Variants in CAMKMT observed in about 807,000 individuals in gnomAD.
The protein encoded by CAMKMT is CaM KMT.
Under a neutral mutation model 48.0 loss-of-function variants are expected in CAMKMT, and 53 were observed. The ratio of observed to expected loss-of-function variants is 1.10; its 90% CI spans 0.89 to 1.39. The LOEUF (loss-of-function observed/expected upper bound fraction) is 1.39, where lower values mean the gene tolerates loss of function less well. Ranked by LOEUF, CAMKMT falls within the 40% of genes most tolerant of loss-of-function variation. The pLI is 0.00. For missense variants in CAMKMT, 428 were observed against 402.7 expected (o/e 1.06, Z -0.54); for synonymous variants, 165 against 152.3 (o/e 1.08, Z -0.61).
At chr2:44,372,992 C>T in intron 2 of CAMKMT, 104 bp downstream of exon 2, 1 of 1,061,314 alleles carries the variant, frequency 9.4e-7, no homozygotes, top group Non-Finnish European at 1.4e-6. Context: ...AGTTTACGGG[C>T]AATCTTTTTC....
intron 1 of CAMKMT, among the ~76,000 whole-genome samples, chr2:44,367,932 A>G (rs1678778827): frequency 6.6e-6 from 1 of 152,226 alleles, no homozygotes; most frequent in African/African-American, 2.4e-5. Context: ...TCTGGTCTTC[A>G]TAAGTGTTTC....
At chr2:44,705,939 C>CT (rs1677530231) in intron 4 of CAMKMT, among the ~76,000 whole-genome samples, 5 of 152,070 alleles carry the variant, frequency 3.3e-5, no homozygotes, top group African/African-American at 1.2e-4. Flanking sequence ...ACAGTGTTAT[C>CT]CTTTCCTAAC....
chr2:44,740,124 ATT>A (rs753300790), intron 7 of CAMKMT, among the ~76,000 whole-genome samples: 3,244 of 120,128 alleles, frequency 0.027, 63 homozygotes, highest in African/African-American at 0.072. Flanking sequence ...TGATTGCTGC[ATT>A]TTTTTTTTTT....
At chr2:44,661,235 G>A (rs1674662756) in intron 3 of CAMKMT, among the ~76,000 whole-genome samples, 2 of 151,098 alleles carry the variant, frequency 1.3e-5, no homozygotes, top group African/African-American at 4.9e-5. Context: ...AGTTAGTACA[G>A]AAGAATAACA....
At chr2:44,671,412 A>G (rs1360686846) in intron 3 of CAMKMT, among the ~76,000 whole-genome samples, 1 of 152,218 alleles carries the variant, frequency 6.6e-6, no homozygotes, top group African/African-American at 2.4e-5. Flanking sequence ...TTAAATTACA[A>G]TATTTAAGCC....
intron 3 of CAMKMT, among the ~76,000 whole-genome samples, chr2:44,611,964 A>G (rs995353291): frequency 1.3e-5 from 2 of 152,118 alleles, no homozygotes; most frequent in African/African-American, 4.8e-5. Context: ...TGCCCCCATG[A>G]TTCAAACACC....
At chr2:44,463,713 G>A (rs993845294) in intron 3 of CAMKMT, among the ~76,000 whole-genome samples, 2 of 151,974 alleles carry the variant, frequency 1.3e-5, no homozygotes, top group Non-Finnish European at 2.9e-5. Context: ...GAGGGAGGAA[G>A]AAACTATAAA....
In CAMKMT at chr2:44,372,811, A is replaced by G; in HGVS notation, c.234A>G (p.Glu78=). The G allele has an allele frequency of 6.2e-7, 1 of 1,614,024 alleles. No homozygotes were observed. The change falls in exon 2 of 11, where the codon GAA becomes GAG. Residue 78 remains glutamate, a synonymous_variant. Coordinates refer to ENST00000378494, the MANE Select transcript of CAMKMT (RefSeq NM_024766.5). The stretch of plus-strand genomic sequence containing the variant: ...TGTTTTCAGTAACAGAAGGCAAAGA[A>G]AGGGAAACTGAAGAGGAGGTTGGTG... ...FNLFSVTEGK[E]RETEEEVGAW...
chr2:44,410,277 G>A (rs1384962488), intron 3 of CAMKMT, among the ~76,000 whole-genome samples: 1 of 9,054 alleles, frequency 1.1e-4, no homozygotes, highest in African/African-American at 7.8e-4. Flanking sequence ...TTTTTTTTGA[G>A]ACGGAGTCTT....
At chr2:44,400,783 C>T (rs1682295051) in intron 3 of CAMKMT, 2 of 151,116 alleles carry the variant, frequency 1.3e-5, no homozygotes, top group Admixed American at 1.3e-4. Flanking sequence ...CCAGTATCTT[C>T]GAGAAAGCGT....
At chr2:44,647,523 A>C (rs934496160) in intron 3 of CAMKMT, among the ~76,000 whole-genome samples, 2 of 152,188 alleles carry the variant, frequency 1.3e-5, no homozygotes, top group Non-Finnish European at 2.9e-5. Flanking sequence ...TTTGTACTTC[A>C]TGCAGTTACT....
intron 3 of CAMKMT, among the ~76,000 whole-genome samples, chr2:44,479,120 A>C (rs763139860): frequency 6.6e-6 from 1 of 152,246 alleles, no homozygotes; most frequent in Non-Finnish European, 1.5e-5. Context: ...CTTGCTTAAT[A>C]TTAGTTACCT....
chr2:44,658,313 G>C (rs1394987372), intron 3 of CAMKMT, among the ~76,000 whole-genome samples: 1 of 152,152 alleles, frequency 6.6e-6, no homozygotes, highest in African/African-American at 2.4e-5. Flanking sequence ...TATCTTTGTA[G>C]GTAGTTGATA....
chr2:44,394,750 C>A, intron 3 of CAMKMT: 1 of 405,248 alleles, frequency 2.5e-6, no homozygotes, highest in Non-Finnish European at 5.0e-6. Context: ...TTAATGCACA[C>A]AGCTATAGAC....
chr2:44,601,989 G>C (rs1671018903), intron 3 of CAMKMT, among the ~76,000 whole-genome samples: 1 of 151,872 alleles, frequency 6.6e-6, no homozygotes, highest in African/African-American at 2.4e-5. Flanking sequence ...ATTGTAGTCT[G>C]CTTTTTAAAA....
intron 3 of CAMKMT, among the ~76,000 whole-genome samples, chr2:44,537,816 G>C (rs1476202113): frequency 1.3e-5 from 2 of 152,116 alleles, no homozygotes; most frequent in African/African-American, 4.8e-5. Flanking sequence ...TCCTGCCTTG[G>C]TCTCCCAAAG....
chr2:44,694,432 G>T (rs1461499990), intron 3 of CAMKMT, among the ~76,000 whole-genome samples: 1 of 152,048 alleles, frequency 6.6e-6, no homozygotes, highest in African/African-American at 2.4e-5. Context: ...AAATTAGCTG[G>T]GTGTGGTGGT....
intron 7 of CAMKMT, among the ~76,000 whole-genome samples, chr2:44,740,081 G>A (rs925855147): frequency 2.0e-5 from 3 of 150,826 alleles, no homozygotes; most frequent in African/African-American, 7.3e-5. Flanking sequence ...AGGAGCATAA[G>A]TGTGGTGGTA....
At chr2:44,468,447 C>T (rs542477556) in intron 3 of CAMKMT, among the ~76,000 whole-genome samples, 2 of 152,120 alleles carry the variant, frequency 1.3e-5, no homozygotes, top group Admixed American at 1.3e-4. Context: ...ATGGAGTTTC[C>T]TCAGAAAACT....
Sources: gnomAD v4.1 joint callset for allele counts (sites outside exome capture counted in the v4.1 genomes callset) on GRCh38, gnomAD v4.1.1 for gene constraint, MANE v1.5 for transcripts, NCBI Gene and HGNC (gene_info 2026-07-23, HGNC 2026-07-21) for gene names.